Variants in MXI1 observed in about 807,000 individuals in gnomAD.
MXI1 encodes the protein MAX interactor 1, dimerization protein, also known as max-interacting protein 1.
Under a neutral mutation model 36.9 loss-of-function variants are expected in MXI1, and 18 were observed. The observed-to-expected ratio is 0.49, with a 90% CI of 0.34 to 0.72. The LOEUF is 0.72. MXI1 is among the 30% of genes least tolerant of loss of function. The pLI is 0.01. For missense variants in MXI1, 304 were observed against 379.1 expected (o/e 0.80, Z 1.64); for synonymous variants, 160 against 146.7 (o/e 1.09, Z -0.65).
chr10:110,278,053 A>G (rs1249216589), intron 3 of MXI1, among the ~76,000 whole-genome samples: 4 of 152,212 alleles, frequency 2.6e-5, no homozygotes, highest in Admixed American at 2.6e-4. Context: ...CAAAAGTTCA[A>G]TTATAGGTCT....
chr10:110,225,563 A>G (rs1462963727), intron 1 of MXI1, among the ~76,000 whole-genome samples: 1 of 152,174 alleles, frequency 6.6e-6, no homozygotes, highest in Non-Finnish European at 1.5e-5. Context: ...GAGGCACATA[A>G]GTTACATGAG....
chr10:110,262,071 TAAA>T (rs970856282), intron 3 of MXI1, among the ~76,000 whole-genome samples: 3 of 152,158 alleles, frequency 2.0e-5, no homozygotes, highest in African/African-American at 7.2e-5. Context: ...TCATTTATGT[TAAA>T]AAATAACAAA....
chr10:110,216,637 C>G (rs1246568183), intron 1 of MXI1, among the ~76,000 whole-genome samples: 2 of 143,178 alleles, frequency 1.4e-5, no homozygotes, highest in African/African-American at 5.5e-5. Context: ...AGTTCTTTCC[C>G]TCCCTGTCTC....
chr10:110,246,622 C>T (rs1187462910), intron 3 of MXI1, among the ~76,000 whole-genome samples: 5 of 152,100 alleles, frequency 3.3e-5, no homozygotes, highest in African/African-American at 1.2e-4. Context: ...AATGACTATG[C>T]CCCAAATGCA....
chr10:110,227,489 GGCTGGAGAGAGGGTGACCGTGGAGAA>G, intron 1 of MXI1: 1 of 988,998 alleles, frequency 1.0e-6, no homozygotes, highest in African/African-American at 1.7e-5. Flanking sequence ...GGCGGTCTGG[GGCTGGAGAGAGGGTGACCGTGGAGAA>G]GCTTGGAGGG....
At chr10:110,256,546 T>C (rs1177458719) in intron 3 of MXI1, among the ~76,000 whole-genome samples, 1 of 131,164 alleles carries the variant, frequency 7.6e-6, no homozygotes, top group African/African-American at 3.0e-5. Context: ...GAGGTTGCAG[T>C]GAGCTGACAT....
At chr10:110,261,160 A>G (rs1258986889) in intron 3 of MXI1, 1 of 982,830 alleles carries the variant, frequency 1.0e-6, no homozygotes. Context: ...GTATGTTGGA[A>G]TCTTTCTTCC....
intron 3 of MXI1, among the ~76,000 whole-genome samples, chr10:110,249,626 A>T (rs1457899960): frequency 6.6e-6 from 1 of 152,104 alleles, no homozygotes; most frequent in Non-Finnish European, 1.5e-5. Context: ...ATACTGAAAA[A>T]TGAAACTCAC....
rs534848397 is a variant in MXI1, at chr10:110,266,318, C to A, written c.438-12862C>A. On this transcript the variant is annotated intron_variant, in intron 3 of 5. Transcript: ENST00000332674. ...AGAGACGGGGTTTCACCATGCTGGC[C>A]AGGCTAGTCTCGAACTCCTGACCTC... Among the ~76,000 whole-genome samples, 420 of 152,192 alleles carry A rather than the reference C, an allele frequency of 2.8e-3. 1 individual carries two copies. Among genetic ancestry groups the A allele is most frequent in the Non-Finnish European group, 5.0e-3 (337 of 68,014 alleles).
chr10:110,215,480 A>C (rs1854614471), intron 1 of MXI1, among the ~76,000 whole-genome samples: 1 of 152,194 alleles, frequency 6.6e-6, no homozygotes, highest in Non-Finnish European at 1.5e-5. Context: ...CCAAGATGAC[A>C]CAGCAGAGGC....
chr10:110,245,124 A>G (rs968588593), intron 3 of MXI1, among the ~76,000 whole-genome samples: 6 of 152,124 alleles, frequency 3.9e-5, no homozygotes, highest in African/African-American at 9.7e-5. Context: ...AAATGAGTTA[A>G]TTGTTACAAG....
At chr10:110,251,010 T>TTTTTTTGTTTTTTTTTTTTTTTG (rs376734108) in intron 3 of MXI1, among the ~76,000 whole-genome samples, 1 of 54,962 alleles carries the variant, frequency 1.8e-5, no homozygotes, top group African/African-American at 1.0e-4. Flanking sequence ...AAGTATTTGT[T>TTTTTTTGTTTTTTTTTTTTTTTG]AAAAAAAAAA....
chr10:110,285,761 T>C lies in MXI1; in HGVS notation c.*774T>C, dbSNP rs1435732571. On this transcript the variant is annotated 3_prime_UTR_variant, in exon 6 of 6. Coordinates refer to ENST00000332674, the MANE Select transcript of MXI1 (RefSeq NM_130439.3). ...GACAGCCTCTATCCTACAAGGCCTA[T>C]GAGTATGGATTGGGGGGGCCAAAAG... is the stretch of plus-strand genomic sequence containing the variant. The C allele has an allele frequency of 2.0e-5, 3 of 152,334 alleles. No individual in the cohort carries two copies. Among genetic ancestry groups the C allele is most frequent in the African/African-American group, 7.2e-5 (3 of 41,430 alleles). The allele number at this position is 152,334 out of a possible 1,614,324, so 9.4% of individuals were successfully genotyped here. A position where few individuals can be genotyped will look rare whatever the true frequency, so the allele number is the denominator to read the frequency against.
chr10:110,221,211 C>T lies in MXI1; in HGVS notation c.275-6978C>T, dbSNP rs913361845. On this transcript the variant is annotated intron_variant, in intron 1 of 5. Coordinates refer to ENST00000332674, the MANE Select transcript of MXI1 (RefSeq NM_130439.3). The stretch of plus-strand genomic sequence containing the variant: ...TTGATATTTAAAGGAATGGGCCCCA[C>T]GGGTTTAAAAAAGCCTGAGTTCTAA... Among the ~76,000 whole-genome samples the T allele has an allele frequency of 4.6e-5, 7 of 152,280 alleles. No individual in the cohort carries two copies. The East Asian group carries it at 1.2e-3, about 25-fold the overall frequency.
At chr10:110,255,215 T>G (rs1856242314) in intron 3 of MXI1, among the ~76,000 whole-genome samples, 1 of 152,200 alleles carries the variant, frequency 6.6e-6, no homozygotes, top group Non-Finnish European at 1.5e-5. Context: ...CTGCCTGTGC[T>G]CTGTAAATGG....
At chr10:110,262,763 A>G (rs538129174) in intron 3 of MXI1, among the ~76,000 whole-genome samples, 1 of 152,254 alleles carries the variant, frequency 6.6e-6, no homozygotes, top group South Asian at 2.1e-4. Flanking sequence ...AATATGCTCT[A>G]CCAGTCTGGT....
chr10:110,227,256 T>A, intron 1 of MXI1: 1 of 680,398 alleles, frequency 1.5e-6, no homozygotes, highest in South Asian at 7.2e-5. Flanking sequence ...GAGGGGCGTG[T>A]GCGGGAAGGG....
At chr10:110,250,265 G>T (rs1856029486) in intron 3 of MXI1, among the ~76,000 whole-genome samples, 1 of 152,052 alleles carries the variant, frequency 6.6e-6, no homozygotes, top group African/African-American at 2.4e-5. Flanking sequence ...GTCCCCCTAG[G>T]CCCACAACAG....
intron 2 of MXI1, among the ~76,000 whole-genome samples, chr10:110,229,515 G>A (rs1235076254): frequency 6.6e-6 from 1 of 152,118 alleles, no homozygotes; most frequent in Non-Finnish European, 1.5e-5. Flanking sequence ...AGACATCACC[G>A]AGGAAAAACT....
Sources: allele counts gnomAD v4.1 joint callset (sites outside exome capture counted in the v4.1 genomes callset), GRCh38; gene constraint gnomAD v4.1.1; transcripts MANE v1.5; gene names NCBI Gene and HGNC (gene_info 2026-07-23, HGNC 2026-07-21).